Variants in AK3 observed in about 807,000 individuals in gnomAD.
The protein encoded by AK3 is GTP:AMP phosphotransferase AK3, mitochondrial.
In AK3, 27 loss-of-function variants were observed where a neutral mutation model predicts 23.7. That is an observed-to-expected ratio of 1.14 (90% CI 0.84 to 1.57). The LOEUF (loss-of-function observed/expected upper bound fraction) is 1.57. Ranked by LOEUF, AK3 falls within the 40% of genes most tolerant of loss-of-function variation. The pLI is 0.00. For synonymous variants in AK3, 159 were observed against 116.0 expected, an observed-to-expected ratio of 1.37 and a Z score of -2.38; for missense variants, 406 against 285.6, an observed-to-expected ratio of 1.42 and a Z score of -3.04.
intron 1 of AK3, among the ~76,000 whole-genome samples, chr9:4,725,380 T>C (rs12377935): frequency 0.46 from 69,750 of 151,990 alleles, 18,658 homozygotes; most frequent in East Asian, 0.74. Flanking sequence ...CAATGGTTTC[T>C]AGATAAAAAA....
intron 2 of AK3, among the ~76,000 whole-genome samples, chr9:4,719,991 G>C (rs1841852070): frequency 6.6e-6 from 1 of 152,154 alleles, no homozygotes; most frequent in African/African-American, 2.4e-5. Context: ...TTGAACCCGG[G>C]AGGGGAGGTT....
At chr9:4,724,359 T>C (rs1841973175) in intron 1 of AK3, among the ~76,000 whole-genome samples, 1 of 152,200 alleles carries the variant, frequency 6.6e-6, no homozygotes, top group Non-Finnish European at 1.5e-5. Flanking sequence ...CCAAGCCCTC[T>C]TCTAAATCCG....
chr9:4,710,623 A>C lies in AK3; in HGVS notation c.*2353T>G, dbSNP rs1056298854. On this transcript the variant is annotated 3_prime_UTR_variant, in exon 5 of 5. Coordinates refer to ENST00000381809, the MANE Select transcript of AK3 (RefSeq NM_016282.4). ...CATAAATCTTAATGATGGTCATTAC[A>C]GAATTATTTTTTTGGGTGGGGGCAG... 4 of 152,206 alleles carry C rather than the reference A, an allele frequency of 2.6e-5. No individual in the cohort carries two copies. The highest frequency in any genetic ancestry group is 9.7e-5 in the African/African-American group (4 of 41,438). The allele number at this position is 152,206 out of a possible 1,614,324, so 9.4% of individuals were successfully genotyped here.
At chr9:4,718,651 T>C in intron 3 of AK3, 114 bp from the exon 4 acceptor site, 1 of 776,110 alleles carries the variant, frequency 1.3e-6, no homozygotes, top group Non-Finnish European at 2.1e-6. Context: ...AGCACAAAAA[T>C]GTGCTAACTT....
intron 1 of AK3, among the ~76,000 whole-genome samples, chr9:4,729,289 C>G (rs1225175610): frequency 1.3e-5 from 2 of 152,208 alleles, no homozygotes; most frequent in East Asian, 3.9e-4. Context: ...TGATTACAGG[C>G]ATGAGCCACT....
intron 4 of AK3, among the ~76,000 whole-genome samples, chr9:4,716,327 C>A (rs182827479): frequency 9.8e-5 from 15 of 152,314 alleles, no homozygotes; most frequent in African/African-American, 3.4e-4. Flanking sequence ...GACCAAGGGC[C>A]TAGCACAGTG....
rs1420128254 is a variant in AK3 at position 4,711,789 on chromosome 9, A to G, written c.*1187T>C. 1.3e-5 allele frequency: 2 copies of G among 152,190 alleles called. No individual in the cohort carries two copies. The highest frequency in any genetic ancestry group is 2.9e-5 in the Non-Finnish European group (2 of 68,034). 9.4% of individuals were successfully genotyped at this position (152,190 alleles called of 1,614,324 possible). The stretch of plus-strand genomic sequence containing the variant: ...TTAAATGGCTGCTCAGACGACACCA[A>G]TAGAGTTCTTTCTCCTTAAAATATG... On this transcript the variant is annotated 3_prime_UTR_variant, in exon 5 of 5. Coordinates refer to ENST00000381809, the MANE Select transcript of AK3 (RefSeq NM_016282.4).
rs57364192 is a variant in AK3, at chr9:4,728,866, T to TACAC, written c.152-6245_152-6242dup. Among the ~76,000 whole-genome samples, 278 of 87,864 alleles carry TACAC rather than the reference T, an allele frequency of 3.2e-3. 3 individuals are homozygous for TACAC. Among genetic ancestry groups the TACAC allele is most frequent in the African/African-American group, 8.2e-3 (217 of 26,552 alleles). 57.6% of individuals were successfully genotyped at this position (87,864 alleles called of 152,430 possible). On this transcript the variant is annotated intron_variant, in intron 1 of 4. Coordinates refer to ENST00000381809, the MANE Select transcript of AK3 (RefSeq NM_016282.4). ...ATATATATATATATATATATATATATACACACACACACACACATACATATA... is the reference window on the plus strand; with the variant it reads ...ATATATATATATATATATATATATATACACACACACACACACACACATACATATA...
At chr9:4,720,299 A>G (rs904762136) in intron 2 of AK3, among the ~76,000 whole-genome samples, 5 of 152,234 alleles carry the variant, frequency 3.3e-5, no homozygotes, top group Non-Finnish European at 7.3e-5. Flanking sequence ...TTGATCACAA[A>G]CTTCTGACTT....
At chr9:4,731,907 C>T (rs1016217601) in intron 1 of AK3, among the ~76,000 whole-genome samples, 2 of 152,132 alleles carry the variant, frequency 1.3e-5, no homozygotes, top group Admixed American at 6.6e-5. Flanking sequence ...ATCTTTATGA[C>T]GATCCACTTC....
At position 4,738,308 on chromosome 9, in the gene AK3, A is replaced by C. The variant is rs373083198; in HGVS notation, c.151+2629T>G. Among the ~76,000 whole-genome samples, 11 of 152,026 alleles carry C rather than the reference A, an allele frequency of 7.2e-5. No homozygotes were observed. The East Asian group carries it at 1.7e-3, about 24-fold the overall frequency. On this transcript the variant is annotated intron_variant, in intron 1 of 4. Coordinates refer to ENST00000381809, the MANE Select transcript of AK3 (RefSeq NM_016282.4). ...AGCCTCCCAAGTAGCTAGGATTACA[A>C]GCGCCCACCACCATGCCTGGCTAAT...
chr9:4,712,939 T>C lies in AK3; in HGVS notation c.*37A>G. On this transcript the variant is annotated 3_prime_UTR_variant, in exon 5 of 5. Coordinates refer to ENST00000381809, the MANE Select transcript of AK3 (RefSeq NM_016282.4). The stretch of plus-strand genomic sequence containing the variant: ...TTCTAAATGCAAGGACTAGGAGGTT[T>C]GCCCATCTTACTATTAATAGTTACA... 6.2e-7 allele frequency: 1 copy of C among 1,602,880 alleles called. No homozygotes were observed. Among genetic ancestry groups the C allele is most frequent in the Non-Finnish European group, 8.5e-7 (1 of 1,174,444 alleles).
At chr9:4,733,435 C>T (rs963999256) in intron 1 of AK3, among the ~76,000 whole-genome samples, 1 of 152,186 alleles carries the variant, frequency 6.6e-6, no homozygotes, top group Non-Finnish European at 1.5e-5. Context: ...GGAGGGCCCC[C>T]AAAGTCCTTG....
intron 4 of AK3, among the ~76,000 whole-genome samples, chr9:4,716,344 G>A (rs1841725010): frequency 6.6e-6 from 1 of 152,186 alleles, no homozygotes; most frequent in Non-Finnish European, 1.5e-5. Flanking sequence ...AGTGTCAAGA[G>A]AGTGAACAAT....
intron 1 of AK3, among the ~76,000 whole-genome samples, chr9:4,726,235 G>C (rs1842021098): frequency 6.6e-6 from 1 of 152,082 alleles, no homozygotes; most frequent in Non-Finnish European, 1.5e-5. Context: ...AGGTGGCTGT[G>C]CAATTGCATA....
chr9:4,734,847 A>T (rs1842233122), intron 1 of AK3, among the ~76,000 whole-genome samples: 1 of 152,212 alleles, frequency 6.6e-6, no homozygotes. Context: ...TAAACATGCT[A>T]TAGTGTGGAT....
chr9:4,715,356 T>C (rs1841697445), intron 4 of AK3, among the ~76,000 whole-genome samples: 1 of 151,318 alleles, frequency 6.6e-6, no homozygotes, highest in Non-Finnish European at 1.5e-5. Flanking sequence ...TGTCTTTCAC[T>C]TCATCTTCGC....
chr9:4,735,989 G>A (rs1213640940), intron 1 of AK3, among the ~76,000 whole-genome samples: 1 of 151,264 alleles, frequency 6.6e-6, no homozygotes, highest in Non-Finnish European at 1.5e-5. Flanking sequence ...GTGGCTCACA[G>A]CTGTAATCCC....
chr9:4,734,393 T>C (rs10122675), intron 1 of AK3, among the ~76,000 whole-genome samples: 80,269 of 152,050 alleles, frequency 0.53, 21,977 homozygotes, highest in East Asian at 0.74. Flanking sequence ...GCCCTCCTGC[T>C]CCCATGCCCA....
Sources: allele counts gnomAD v4.1 joint callset (sites outside exome capture counted in the v4.1 genomes callset), GRCh38; gene constraint gnomAD v4.1.1; transcripts MANE v1.5; gene names NCBI Gene and HGNC (gene_info 2026-07-23, HGNC 2026-07-21).